AXIN1: variants seen among roughly 807,000 people sequenced by gnomAD.
AXIN1 encodes the protein axin 1.
A neutral mutation model predicts 76.4 loss-of-function variants in AXIN1; 30 were observed. The observed-to-expected ratio is 0.39, with a 90% CI of 0.29 to 0.53. The LOEUF is 0.53. AXIN1 is among the 20% of genes least tolerant of loss of function. The probability of loss-of-function intolerance (pLI) is 0.66; values close to 1 mark genes in which losing one functional copy is unlikely to be tolerated. For synonymous variants in AXIN1, 545 were observed against 501.4 expected, an observed-to-expected ratio of 1.09 and a Z score of -1.16; for missense variants, 1,140 against 1,198.8, an observed-to-expected ratio of 0.95 and a Z score of 0.72.
At chr16:348,821 G>A (rs911137023) in intron 1 of AXIN1, among the ~76,000 whole-genome samples, 4 of 151,566 alleles carry the variant, frequency 2.6e-5, no homozygotes, top group Admixed American at 6.6e-5. Flanking sequence ...AAAATAGGCC[G>A]GGCACAGTGG....
chr16:338,853 G>A (rs1597107281), intron 2 of AXIN1, among the ~76,000 whole-genome samples: 1 of 152,028 alleles, frequency 6.6e-6, no homozygotes, highest in Non-Finnish European at 1.5e-5. Context: ...AACCTGAGAG[G>A]CAGAGGTTGC....
rs1380442908 is a variant in AXIN1, at chr16:290,153, GC to G, written c.2295-547del. On this transcript the variant is annotated intron_variant, in intron 9 of 10. Coordinates refer to ENST00000262320, the MANE Select transcript of AXIN1 (RefSeq NM_003502.4). ...CTCTGACAGGTGCTGTGCTTCCACA[GC>G]CGTGCCGGGATGACGGGCGGGGCCT... is the stretch of plus-strand genomic sequence containing the variant. 2.3e-5 allele frequency: 4 copies of G among 172,880 alleles called. No homozygotes were observed. In the East Asian group the frequency reaches 6.6e-4, roughly 28 times the overall value. The allele number at this position is 172,880 out of a possible 1,614,324, so 10.7% of individuals were successfully genotyped here. A position where few individuals can be genotyped will look rare whatever the true frequency, so the allele number is the denominator to read the frequency against.
At chr16:299,119 C>A in intron 5 of AXIN1, 2 of 985,424 alleles carry the variant, frequency 2.0e-6, no homozygotes, top group Non-Finnish European at 2.4e-6. Flanking sequence ...GGGTTATGTA[C>A]ATGTTGTGAT....
At chr16:309,202 C>T (rs1189120031) in intron 4 of AXIN1, among the ~76,000 whole-genome samples, 3 of 151,772 alleles carry the variant, frequency 2.0e-5, no homozygotes, top group South Asian at 2.1e-4. Flanking sequence ...TGGTGGCAGG[C>T]GCCTGTACTC....
At chr16:295,594 T>A (rs1300639790) in intron 7 of AXIN1, among the ~76,000 whole-genome samples, 1 of 151,954 alleles carries the variant, frequency 6.6e-6, no homozygotes, top group East Asian at 1.9e-4. Context: ...AGTATAAGTA[T>A]GTCTCAAAGT....
chr16:344,638 G>A (rs904065656), intron 2 of AXIN1, among the ~76,000 whole-genome samples: 2 of 151,582 alleles, frequency 1.3e-5, no homozygotes, highest in Non-Finnish European at 2.9e-5. Context: ...ACAGGCATGC[G>A]CCAACTCGCC....
chr16:326,791 A>G (rs753898133), intron 2 of AXIN1, among the ~76,000 whole-genome samples: 55 of 151,064 alleles, frequency 3.6e-4, no homozygotes, highest in Non-Finnish European at 7.4e-4. Flanking sequence ...GAAAATCTCT[A>G]TTTTACTTCC....
rs2141485959 is a variant in AXIN1, at chr16:293,600, C to A, written c.2074G>T (p.Asp692Tyr). ...GCTGGGTGGGGTGGCATGGTGGGGT[C>A]TTGGATGAAGAGGTGGGAGGGCTGC... ...SVQPSHLFIQ[D>Y]PTMPPHPAPN... Residue 692 changes from aspartate to tyrosine, a missense_variant, in exon 8 of 11, where the codon GAC becomes TAC. Asp to Tyr is a radical substitution (Grantham distance 160). Transcript: ENST00000262320. The surrounding 1 kb of genome is among the most constrained non-coding windows in gnomAD (Gnocchi z 4.6). 2 of 1,613,002 alleles carry A rather than the reference C, an allele frequency of 1.2e-6. No homozygotes were observed. Among genetic ancestry groups the A allele is most frequent in the Non-Finnish European group, 8.5e-7 (1 of 1,179,926 alleles).
chr16:310,011 C>A lies in AXIN1; in HGVS notation c.1078G>T (p.Val360Leu), dbSNP rs759808424. 1 of 1,613,476 alleles carries A rather than the reference C, an allele frequency of 6.2e-7. No individual in the cohort carries two copies. The highest frequency in any genetic ancestry group is 1.7e-5 in the Admixed American group (1 of 60,020). The change falls in exon 4 of 11, where the codon GTG (valine) becomes TTG (leucine). Residue 360 changes from valine (V) to leucine (L), a missense_variant. Val to Leu is a conservative substitution (Grantham distance 32). This residue lies in a region of AXIN1 where 708 missense variants were observed against 776.9 expected (regional missense o/e 0.91). Coordinates refer to ENST00000262320, the MANE Select transcript of AXIN1 (RefSeq NM_003502.4). ...KQHRREMQES[V>L]QVNGRVPLPH... ...AGGGGCACCCGCCCATTGACCTGCA[C>A]GCTCTCCTGCATCTCCCTGCGGTGC...
intron 2 of AXIN1, among the ~76,000 whole-genome samples, chr16:330,751 C>T (rs920184382): frequency 6.6e-6 from 1 of 152,186 alleles, no homozygotes; most frequent in African/African-American, 2.4e-5. Flanking sequence ...ATGCTTTCCT[C>T]CCCAGGAGAC....
Position 311,501 on chromosome 16 carries a change from G to C in AXIN1, c.1020-1432C>G, listed in dbSNP as rs2053177600. ...AAAAGCTGCCTTCGGGCTGGGCGCA[G>C]TGGCTCATGCCTGTCATCCCAGCAC... is the stretch of plus-strand genomic sequence containing the variant. On this transcript the variant is annotated intron_variant, in intron 3 of 10. Coordinates refer to ENST00000262320, the MANE Select transcript of AXIN1 (RefSeq NM_003502.4). 2.0e-5 allele frequency among the ~76,000 whole-genome samples: 3 copies of C among 152,100 alleles called. No individual in the cohort carries two copies. In the South Asian group the frequency reaches 6.2e-4, roughly 32 times the overall value.
rs757597072 is a variant in AXIN1 at position 291,271 on chromosome 16, C to G, written c.2213G>C (p.Gly738Ala). ...QRYVQEVMRRGRACVRPACAP... is the reference protein window; with the variant it reads ...QRYVQEVMRRARACVRPACAP... ...GCACGCTGGCCTGACGCAGGCGCGT[C>G]CCCGCCGCATAACCTCCTGCACATA... The change falls in exon 9 of 11, where the codon GGA (glycine) becomes GCA (alanine). Residue 738 changes from glycine to alanine, a missense_variant. Coordinates refer to ENST00000262320, the MANE Select transcript of AXIN1 (RefSeq NM_003502.4). 2 of 1,582,322 alleles carry G rather than the reference C, an allele frequency of 1.3e-6. No individual in the cohort carries two copies. Among genetic ancestry groups the G allele is most frequent in the South Asian group, 2.3e-5 (2 of 87,206 alleles).
At chr16:349,319 A>G (rs999805227) in intron 1 of AXIN1, among the ~76,000 whole-genome samples, 24 of 152,122 alleles carry the variant, frequency 1.6e-4, no homozygotes, top group African/African-American at 5.3e-4. Flanking sequence ...CTGCTCACAG[A>G]CCACTTCAGC....
chr16:303,296 C>CCCT (rs1183284540), intron 5 of AXIN1, among the ~76,000 whole-genome samples: 2 of 152,174 alleles, frequency 1.3e-5, no homozygotes, highest in Non-Finnish European at 1.5e-5. Flanking sequence ...CGGGGAGGAG[C>CCCT]CAGGCCCCGC....
chr16:338,811 T>C (rs2141676867), intron 2 of AXIN1, among the ~76,000 whole-genome samples: 1 of 151,970 alleles, frequency 6.6e-6, no homozygotes, highest in Non-Finnish European at 1.5e-5. Context: ...TAATCCCAGC[T>C]ACTCGGGAGG....
Position 321,981 on chromosome 16 carries a change from G to T in AXIN1, c.879-7298C>A, listed in dbSNP as rs544144351. ...GACAGAGGCTGGAATTAGTAAAATGGCTGGAAACACACATCTGTGAGCCCT... is the reference window on the plus strand; with the variant it reads ...GACAGAGGCTGGAATTAGTAAAATGTCTGGAAACACACATCTGTGAGCCCT... On this transcript the variant is annotated intron_variant, in intron 2 of 10. Coordinates refer to ENST00000262320, the MANE Select transcript of AXIN1 (RefSeq NM_003502.4). Among the ~76,000 whole-genome samples, 4 of 152,338 alleles carry T rather than the reference G, an allele frequency of 2.6e-5. No homozygotes were observed. In the South Asian group the frequency reaches 8.3e-4, roughly 32 times the overall value.
intron 2 of AXIN1, among the ~76,000 whole-genome samples, chr16:339,170 G>C (rs571942737): frequency 7.3e-6 from 1 of 136,596 alleles, no homozygotes; most frequent in East Asian, 2.3e-4. Flanking sequence ...TTGAGGTCAG[G>C]AGTTCAAAAC....
intron 2 of AXIN1, among the ~76,000 whole-genome samples, chr16:315,539 TCAGA>T (rs1240181143): frequency 6.6e-6 from 1 of 152,146 alleles, no homozygotes; most frequent in African/African-American, 2.4e-5. Context: ...TTCTATGAAA[TCAGA>T]CAGGCCGGGT....
intron 3 of AXIN1, among the ~76,000 whole-genome samples, chr16:311,088 A>G (rs2053164365): frequency 8.1e-6 from 1 of 123,770 alleles, no homozygotes; most frequent in African/African-American, 3.2e-5. Context: ...GCTGGAGTGT[A>G]GTGGCGCGAT....
Sources: allele counts gnomAD v4.1 joint callset (sites outside exome capture counted in the v4.1 genomes callset), GRCh38; gene constraint gnomAD v4.1.1; regional missense constraint gnomAD v4.1.1; non-coding constraint Gnocchi (gnomAD v3.1); transcripts MANE v1.5; gene names NCBI Gene and HGNC (gene_info 2026-07-23, HGNC 2026-07-21).